TRPV5: variants seen among roughly 807,000 people sequenced by gnomAD.
TRPV5 encodes the protein transient receptor potential cation channel subfamily V member 5.
A neutral mutation model predicts 74.1 loss-of-function variants in TRPV5; 66 were observed. The observed-to-expected ratio is 0.89, with a 90% CI of 0.73 to 1.09. The LOEUF is 1.09. TRPV5 is among the 50% of genes least tolerant of loss of function. TRPV5 has a pLI of 0.00. For missense variants in TRPV5, 936 were observed against 930.4 expected (o/e 1.01, Z -0.08); for synonymous variants, 399 against 360.7 (o/e 1.11, Z -1.20).
At chr7:142,925,229 A>C (rs4252437) in intron 8 of TRPV5, 490,942 of 566,962 alleles carry the variant, frequency 0.87, 217,948 homozygotes, top group East Asian at 0.97. Context: ...CATCCCACTA[A>C]AAAACCCTGA....
chr7:142,923,994 A>G (rs1795925805), intron 8 of TRPV5, among the ~76,000 whole-genome samples: 1 of 151,730 alleles, frequency 6.6e-6, no homozygotes, highest in Non-Finnish European at 1.5e-5. Flanking sequence ...AGTCATCCCC[A>G]CCTTGTTTGT....
At position 142,912,739 on chromosome 7, in the gene TRPV5, T is replaced by C; in HGVS notation, c.1531A>G (p.Ile511Val). ...ILGFASAFYIIFQTEDPTSLG... is the reference protein window; with the variant it reads ...ILGFASAFYIVFQTEDPTSLG... ...CTGGTTGGGTCCTCTGTCTGGAAAATGATATAGAACGCTGCTCCGCCCAGG... is the reference window on the plus strand; with the variant it reads ...CTGGTTGGGTCCTCTGTCTGGAAAACGATATAGAACGCTGCTCCGCCCAGG... The change falls in exon 13 of 15, where the codon ATT (isoleucine) becomes GTT (valine). Residue 511 changes from isoleucine (I) to valine (V), a missense_variant. Transcript: ENST00000265310. 1 of 1,613,882 alleles carries C rather than the reference T, an allele frequency of 6.2e-7. No homozygotes were observed.
In TRPV5 at chr7:142,928,143, G is replaced by C. The variant is rs768078157; in HGVS notation, c.854C>G (p.Ser285Cys). Residue 285 changes from serine to cysteine, a missense_variant, in exon 7 of 15, where the codon TCC becomes TGC. Coordinates refer to ENST00000265310, the MANE Select transcript of TRPV5 (RefSeq NM_019841.7). ...CAGGAAGGACAGCTCCTCTCCCCAG[G>C]AGTCGATCTCCGTGAGGTCGTAGAG... ...SILYDLTEIDSWGEELSFLEL... is the reference protein window; with the variant it reads ...SILYDLTEIDCWGEELSFLEL... 6.8e-6 allele frequency: 11 copies of C among 1,614,040 alleles called. No individual in the cohort carries two copies. The highest frequency in any genetic ancestry group is 9.3e-6 in the Non-Finnish European group (11 of 1,180,024).
chr7:142,931,554 CAT>C (rs1201256228), intron 1 of TRPV5, among the ~76,000 whole-genome samples: 1 of 152,192 alleles, frequency 6.6e-6, no homozygotes, highest in East Asian at 1.9e-4. Flanking sequence ...TCCAACTAGA[CAT>C]ATGTGTATTG....
At position 142,912,560 on chromosome 7, in the gene TRPV5, C is replaced by T; in HGVS notation, c.1710G>A (p.Met570Ile). Reference protein sequence around the residue: ...FAFTIIATLLMLNLFIAMMGD... With the variant: ...FAFTIIATLLILNLFIAMMGD... ...CCATCATGGCGATGAACAAGTTGAG[C>T]ATGAGCAGTGTGGCAATGATGGTGA... Residue 570 changes from methionine (M) to isoleucine (I), a missense_variant, in exon 13 of 15, where the codon ATG (methionine) becomes ATA (isoleucine). Physicochemically the swap from Met to Ile is conservative, Grantham distance 10. Coordinates refer to ENST00000265310, the MANE Select transcript of TRPV5 (RefSeq NM_019841.7). 6.2e-7 allele frequency: 1 copy of T among 1,614,158 alleles called. No individual in the cohort carries two copies. The highest frequency in any genetic ancestry group is 1.3e-5 in the African/African-American group (1 of 75,058).
chr7:142,909,616 A>G lies in TRPV5; in HGVS notation c.1789-20T>C, dbSNP rs748099133. ...CACGACCTGGAAGGAGGCAGGAGAT[A>G]CAGGAAGAACTCTGAAAGAGCCATG... On this transcript the variant is annotated intron_variant, in intron 13 of 14. Coordinates refer to ENST00000265310, the MANE Select transcript of TRPV5 (RefSeq NM_019841.7). 8 of 1,611,376 alleles carry G rather than the reference A, an allele frequency of 5.0e-6. No individual in the cohort carries two copies. The highest frequency in any genetic ancestry group is 1.3e-5 in the African/African-American group (1 of 74,836).
At chr7:142,917,200 A>C (rs1351707831) in intron 8 of TRPV5, among the ~76,000 whole-genome samples, 1 of 151,318 alleles carries the variant, frequency 6.6e-6, no homozygotes, top group Non-Finnish European at 1.5e-5. Context: ...TCTTTATCTT[A>C]ATGTTTCTAT....
In TRPV5 at chr7:142,930,128, C is replaced by G. The variant is rs766679922; in HGVS notation, c.279G>C (p.Glu93Asp). ...CAGCCTCCATCAGCACCAAGGCCGC[C>G]TCCAAGTTGTCATAGAGGGCTGCTA... ...LHIAALYDNL[E>D]AALVLMEAAP... The change falls in exon 3 of 15, where the codon GAG (glutamate) becomes GAC (aspartate). Residue 93 changes from glutamate to aspartate, a missense_variant. By Grantham distance (45) the Glu-to-Asp change is conservative. Transcript: ENST00000265310. 7.4e-6 allele frequency: 12 copies of G among 1,614,118 alleles called. No homozygotes were observed. Among genetic ancestry groups the G allele is most frequent in the Non-Finnish European group, 8.5e-6 (10 of 1,180,042 alleles).
At chr7:142,914,154 T>G (rs964956028) in intron 12 of TRPV5, among the ~76,000 whole-genome samples, 1 of 152,246 alleles carries the variant, frequency 6.6e-6, no homozygotes, top group African/African-American at 2.4e-5. Flanking sequence ...TTTTTCTAAT[T>G]CTTTCATATT....
chr7:142,925,776 A>G (rs374586821), intron 7 of TRPV5, 35 bp from the exon 8 acceptor site: 18 of 1,586,760 alleles, frequency 1.1e-5, no homozygotes, highest in Non-Finnish European at 1.4e-5. Context: ...TGGGGTGACC[A>G]ACACAGAAGG....
chr7:142,914,541 G>T, intron 12 of TRPV5, 99 bp downstream of exon 12: 1 of 1,055,662 alleles, frequency 9.5e-7, no homozygotes, highest in Non-Finnish European at 1.4e-6. Context: ...AAAAAAGAAA[G>T]CAAAATGAAG....
intron 3 of TRPV5, 49 bp from the exon 4 acceptor site, chr7:142,929,614 C>T (rs375338103): frequency 1.3e-6 from 2 of 1,597,432 alleles, no homozygotes; most frequent in Admixed American, 1.7e-5. Context: ...CCCCAGTTCT[C>T]TCAGGGACAC....
At position 142,915,337 on chromosome 7, in the gene TRPV5, G is replaced by C; in HGVS notation, c.1256C>G (p.Thr419Arg). The C allele has an allele frequency of 1.2e-6, 2 of 1,608,314 alleles. No homozygotes were observed. Among genetic ancestry groups the C allele is most frequent in the Non-Finnish European group, 1.7e-6 (2 of 1,178,650 alleles). ...RVGASRYFGK[T>R]ILGGPFHVII... ...GACATGGAATGGCCCCCCAAGAATC[G>C]TCTTTCCAAAATAGCGAGAGGCACC... is the stretch of plus-strand genomic sequence containing the variant. The change falls in exon 10 of 15, where the codon ACG becomes AGG. Residue 419 changes from threonine (T) to arginine (R), a missense_variant. Physicochemically the swap from Thr to Arg is moderately conservative, Grantham distance 71. Transcript: ENST00000265310.
intron 1 of TRPV5, among the ~76,000 whole-genome samples, chr7:142,931,869 T>C (rs1796102375): frequency 6.6e-6 from 1 of 151,984 alleles, no homozygotes; most frequent in African/African-American, 2.4e-5. Flanking sequence ...GCCTGACTAG[T>C]TTTTTTATTT....
chr7:142,910,021 G>A (rs1183539525), intron 13 of TRPV5, among the ~76,000 whole-genome samples: 1 of 152,162 alleles, frequency 6.6e-6, no homozygotes, highest in Non-Finnish European at 1.5e-5. Flanking sequence ...CCACATCTTA[G>A]GAAGGAAAAG....
chr7:142,922,366 C>T (rs562540572), intron 8 of TRPV5, among the ~76,000 whole-genome samples: 2 of 152,304 alleles, frequency 1.3e-5, no homozygotes, highest in African/African-American at 4.8e-5. Context: ...TTTGAACTCC[C>T]TGCTGAACAG....
intron 8 of TRPV5, among the ~76,000 whole-genome samples, chr7:142,918,611 C>T (rs1795834519): frequency 6.6e-6 from 1 of 152,156 alleles, no homozygotes; most frequent in Non-Finnish European, 1.5e-5. Context: ...GTTCTTTAAT[C>T]TTTATCGTCA....
intron 8 of TRPV5, among the ~76,000 whole-genome samples, chr7:142,922,730 C>A (rs1428189099): frequency 6.6e-6 from 1 of 152,106 alleles, no homozygotes; most frequent in Non-Finnish European, 1.5e-5. Context: ...GGACTTTGAG[C>A]TTTTTACTCA....
intron 1 of TRPV5, 39 bp from the exon 2 acceptor site, chr7:142,930,485 T>G (rs4252400): frequency 0.72 from 1,084,009 of 1,498,710 alleles, 398,115 homozygotes; most frequent in East Asian, 0.93. Flanking sequence ...GAGACAGTCA[T>G]AGCAGAATGA....
Sources: allele counts gnomAD v4.1 joint callset (sites outside exome capture counted in the v4.1 genomes callset), GRCh38; gene constraint gnomAD v4.1.1; transcripts MANE v1.5; gene names NCBI Gene and HGNC (gene_info 2026-07-23, HGNC 2026-07-21).